Variants in AGBL1 observed in about 807,000 individuals in gnomAD.
AGBL1 encodes cytosolic carboxypeptidase 4.
A neutral mutation model predicts 118.9 loss-of-function variants in AGBL1; 130 were observed. The observed-to-expected ratio is 1.09, with a 90% CI of 0.95 to 1.26. The LOEUF (loss-of-function observed/expected upper bound fraction) is 1.26. AGBL1 is among the 50% of genes most tolerant of loss of function. The probability of loss-of-function intolerance (pLI) is 0.00; values close to 1 mark genes in which losing one functional copy is unlikely to be tolerated. For synonymous variants in AGBL1, 555 were observed against 478.9 expected, an observed-to-expected ratio of 1.16 and a Z score of -2.08; for missense variants, 1,584 against 1,298.1, an observed-to-expected ratio of 1.22 and a Z score of -3.38.
In AGBL1 at chr15:86,899,070, C is replaced by T. The variant is rs1031345909; in HGVS notation, c.3159-8017C>T. Reference sequence around the variant, plus strand: ...CCCAGAGGAATACAAATCATTCTACCGCAAAGACACATGCACACGAATGTT... The same window carrying T: ...CCCAGAGGAATACAAATCATTCTACTGCAAAGACACATGCACACGAATGTT... On this transcript the variant is annotated intron_variant, in intron 22 of 22. Coordinates refer to ENST00000614907, the MANE Select transcript of AGBL1 (RefSeq NM_001386094.1). 2.4e-4 allele frequency among the ~76,000 whole-genome samples: 37 copies of T among 152,184 alleles called. 1 individual carries two copies. Among genetic ancestry groups the T allele is most frequent in the East Asian group, 1.2e-3 (6 of 5,166 alleles).
intron 23 of AGBL1, among the ~76,000 whole-genome samples, chr15:86,922,571 G>A (rs942385660): frequency 6.6e-6 from 1 of 152,168 alleles, no homozygotes; most frequent in Non-Finnish European, 1.5e-5. Flanking sequence ...GAATTACAGG[G>A]TGAGCCACCA....
At chr15:86,477,251 T>A (rs2082573236) in intron 18 of AGBL1, among the ~76,000 whole-genome samples, 1 of 91,134 alleles carries the variant, frequency 1.1e-5, no homozygotes, top group South Asian at 2.8e-4. Flanking sequence ...CTGAAGGAGA[T>A]AGAGACACAA....
chr15:86,861,072 G>A (rs1179236466), intron 22 of AGBL1, among the ~76,000 whole-genome samples: 1 of 152,120 alleles, frequency 6.6e-6, no homozygotes, highest in Non-Finnish European at 1.5e-5. Flanking sequence ...TGGGTGGATG[G>A]AAGGGCACTA....
At chr15:86,234,756 G>T (rs1226582498) in intron 6 of AGBL1, among the ~76,000 whole-genome samples, 1 of 152,094 alleles carries the variant, frequency 6.6e-6, no homozygotes, top group South Asian at 2.1e-4. Flanking sequence ...TTTAAACAAG[G>T]TGATGTTTAA....
intron 17 of AGBL1, among the ~76,000 whole-genome samples, chr15:86,351,110 A>G (rs1013641768): frequency 4.6e-5 from 7 of 152,210 alleles, no homozygotes; most frequent in African/African-American, 1.7e-4. Context: ...TAGGTAATTT[A>G]TAATAAACAG....
intron 1 of AGBL1, among the ~76,000 whole-genome samples, chr15:86,093,130 C>T (rs1896141888): frequency 6.6e-6 from 1 of 152,118 alleles, no homozygotes; most frequent in African/African-American, 2.4e-5. Context: ...GATCCACTCC[C>T]TGCTTTAGGG....
At chr15:86,482,796 T>C (rs945637774) in intron 18 of AGBL1, among the ~76,000 whole-genome samples, 1 of 152,082 alleles carries the variant, frequency 6.6e-6, no homozygotes, top group Non-Finnish European at 1.5e-5. Context: ...TTTTCAATCA[T>C]TTTGCTTTAC....
At chr15:86,637,312 T>C (rs1001539297) in intron 21 of AGBL1, among the ~76,000 whole-genome samples, 69 of 152,128 alleles carry the variant, frequency 4.5e-4, no homozygotes, top group African/African-American at 1.5e-3. Context: ...CAGGGAGAGC[T>C]AAGTGCTGAG....
intron 22 of AGBL1, among the ~76,000 whole-genome samples, chr15:86,885,135 C>T (rs1437897586): frequency 7.3e-6 from 1 of 137,720 alleles, no homozygotes; most frequent in Non-Finnish European, 1.6e-5. Flanking sequence ...CATACATATA[C>T]TGTTCTTTGT....
chr15:86,461,209 G>A (rs1413820750), intron 18 of AGBL1, among the ~76,000 whole-genome samples: 1 of 152,084 alleles, frequency 6.6e-6, no homozygotes, highest in East Asian at 1.9e-4. Flanking sequence ...GTGGTAGGGT[G>A]TGGGGGTACC....
At chr15:86,941,113 A>C (rs1050925379) in intron 23 of AGBL1, among the ~76,000 whole-genome samples, 1 of 152,236 alleles carries the variant, frequency 6.6e-6, no homozygotes, top group Admixed American at 6.5e-5. Context: ...TGAAGTAAAA[A>C]ACATGGTTCT....
At chr15:86,136,979 C>G (rs1284619828) in intron 1 of AGBL1, among the ~76,000 whole-genome samples, 1 of 152,110 alleles carries the variant, frequency 6.6e-6, no homozygotes, top group Non-Finnish European at 1.5e-5. Context: ...GGGGATTACT[C>G]AATGTTTCAT....
chr15:86,147,310 G>A lies in AGBL1; in HGVS notation c.262+3465G>A, dbSNP rs549794011. Among the ~76,000 whole-genome samples the A allele has an allele frequency of 3.2e-4, 49 of 152,346 alleles. No individual in the cohort carries two copies. In the South Asian group the frequency reaches 7.9e-3, roughly 24 times the overall value. On this transcript the variant is annotated intron_variant, in intron 3 of 22. Transcript: ENST00000614907. ...AGGGCAAGCTGAAGCAGGGCAGGGC[G>A]TCGCCTCACCTGAGAAGAACAAGAG...
At chr15:86,545,951 A>G (rs973101948) in intron 19 of AGBL1, 51 bp from the exon 20 acceptor site, 7 of 1,583,758 alleles carry the variant, frequency 4.4e-6, no homozygotes, top group Non-Finnish European at 6.0e-6. Context: ...TGGATTTAAG[A>G]AACCAATGAC....
At chr15:86,248,484 C>T (rs1482080625) in intron 7 of AGBL1, among the ~76,000 whole-genome samples, 3 of 152,174 alleles carry the variant, frequency 2.0e-5, no homozygotes, top group African/African-American at 4.8e-5. Context: ...CTAGGGCCTA[C>T]AGCTGTGTAA....
At chr15:86,438,448 A>G (rs1172813558) in intron 18 of AGBL1, among the ~76,000 whole-genome samples, 1 of 152,194 alleles carries the variant, frequency 6.6e-6, no homozygotes, top group East Asian at 1.9e-4. Flanking sequence ...TTTATCAGAA[A>G]TGACCTCCTT....
intron 17 of AGBL1, among the ~76,000 whole-genome samples, chr15:86,301,870 C>T (rs2079753162): frequency 6.6e-6 from 1 of 152,076 alleles, no homozygotes; most frequent in African/African-American, 2.4e-5. Context: ...CACAGCTTTG[C>T]TTTCAAAGAA....
intron 18 of AGBL1, among the ~76,000 whole-genome samples, chr15:86,412,428 T>A (rs1385127165): frequency 6.6e-6 from 1 of 152,238 alleles, no homozygotes; most frequent in East Asian, 1.9e-4. Context: ...CTTTTGGTAT[T>A]TGAGTTGCTT....
intron 5 of AGBL1, among the ~76,000 whole-genome samples, chr15:86,196,877 G>GCGCGCGCGCGCACA (rs1555446475): frequency 1.2e-5 from 1 of 86,322 alleles, no homozygotes; most frequent in Non-Finnish European, 2.2e-5. Flanking sequence ...GTGCGCGCGC[G>GCGCGCGCGCGCACA]CGCACACACA....
Sources: gnomAD v4.1 joint callset for allele counts (sites outside exome capture counted in the v4.1 genomes callset) on GRCh38, gnomAD v4.1.1 for gene constraint, MANE v1.5 for transcripts, NCBI Gene and HGNC (gene_info 2026-07-23, HGNC 2026-07-21) for gene names.